STAT4: variants seen among roughly 807,000 people sequenced by gnomAD.
STAT4 encodes the protein signal transducer and activator of transcription 4.
STAT4 carries 42 observed loss-of-function variants against 110.5 expected under a neutral mutation model. The observed-to-expected ratio is 0.38, with a 90% CI of 0.30 to 0.49. The LOEUF (loss-of-function observed/expected upper bound fraction) is 0.49. Ranked by LOEUF, STAT4 falls within the 20% of genes least tolerant of loss-of-function variation. STAT4 has a pLI of 0.95. For synonymous variants in STAT4, 284 were observed against 302.2 expected (o/e 0.94, Z 0.63); for missense variants, 632 against 887.9 (o/e 0.71, Z 3.66).
chr2:191,123,377 G>A (rs923302472), intron 3 of STAT4, among the ~76,000 whole-genome samples: 4 of 152,072 alleles, frequency 2.6e-5, no homozygotes, highest in African/African-American at 7.2e-5. Context: ...TCTCCAGAGT[G>A]GGTACATTTT....
At chr2:191,041,964 G>A (rs1024827310) in intron 14 of STAT4, among the ~76,000 whole-genome samples, 4 of 152,210 alleles carry the variant, frequency 2.6e-5, no homozygotes, top group African/African-American at 9.7e-5. Flanking sequence ...GTGTGCTAAA[G>A]AGTGGAAGGT....
rs1182171456 is a variant in STAT4 at position 191,037,739 on chromosome 2, G to A, written c.1435-1440C>T. On this transcript the variant is annotated intron_variant, in intron 16 of 23. Transcript: ENST00000392320. This position sits in a 1 kb window ranked among gnomAD's most constrained non-coding sequence, Gnocchi z 4.8. Reference sequence around the variant, plus strand: ...GAAAGAGGACACAGCATCCAACAAGGAATGGGCAATAGGAAGAGGAGGAAT... The same window carrying A: ...GAAAGAGGACACAGCATCCAACAAGAAATGGGCAATAGGAAGAGGAGGAAT... Among the ~76,000 whole-genome samples, 1 of 152,168 alleles carries A rather than the reference G, an allele frequency of 6.6e-6. No homozygotes were observed. Among genetic ancestry groups the A allele is most frequent in the Non-Finnish European group, 1.5e-5 (1 of 68,032 alleles).
In STAT4 at chr2:191,063,363, C is replaced by T. The variant is rs940251184; in HGVS notation, c.783-443G>A. On this transcript the variant is annotated intron_variant, in intron 8 of 23. Coordinates refer to ENST00000392320, the MANE Select transcript of STAT4 (RefSeq NM_003151.4). ...ATACTGAAAGAAAAACATATGTAAC[C>T]GATCTTCCCACACAATATATATTTT... Among the ~76,000 whole-genome samples, 7 of 152,092 alleles carry T rather than the reference C, an allele frequency of 4.6e-5. No homozygotes were observed. In the East Asian group the frequency reaches 5.8e-4, roughly 13 times the overall value.
chr2:191,063,007 T>C (rs1696892225), intron 8 of STAT4, 87 bp from the exon 9 acceptor site: 2 of 972,694 alleles, frequency 2.1e-6, no homozygotes, highest in Non-Finnish European at 2.8e-6. Context: ...TTAATAAACA[T>C]TAAATTATTA....
intron 3 of STAT4, among the ~76,000 whole-genome samples, chr2:191,120,081 A>C (rs957011633): frequency 1.3e-5 from 2 of 152,234 alleles, no homozygotes; most frequent in African/African-American, 2.4e-5. Context: ...AAAAGACTAA[A>C]ACACTAAAGG....
chr2:191,130,535 T>A (rs953466503), intron 3 of STAT4, among the ~76,000 whole-genome samples: 2 of 151,736 alleles, frequency 1.3e-5, no homozygotes, highest in East Asian at 1.9e-4. Flanking sequence ...CTCGCTTTTT[T>A]AAATAGATAA....
Position 191,110,452 on chromosome 2 carries a change from A to C in STAT4, c.274-34127T>G, listed in dbSNP as rs1698394187. The stretch of plus-strand genomic sequence containing the variant: ...AGCCTACTGTAGCCCTAAGATAGCT[A>C]TTATTCCTATTTTACGGGCAGGGCA... On this transcript the variant is annotated intron_variant, in intron 3 of 23. Coordinates refer to ENST00000392320, the MANE Select transcript of STAT4 (RefSeq NM_003151.4). The surrounding 1 kb of genome is among the most constrained non-coding windows in gnomAD (Gnocchi z 4.5). Among the ~76,000 whole-genome samples the C allele has an allele frequency of 6.6e-6, 1 of 152,136 alleles. No individual in the cohort carries two copies. The highest frequency in any genetic ancestry group is 1.5e-5 in the Non-Finnish European group (1 of 68,032).
chr2:191,033,678 A>G lies in STAT4; in HGVS notation c.1716-52T>C. ...TCTGATCATTATTGGATTTTCACTT[A>G]TTGCATTTACAAAGACCTACAGTTT... On this transcript the variant is annotated intron_variant, in intron 19 of 23. Coordinates refer to ENST00000392320, the MANE Select transcript of STAT4 (RefSeq NM_003151.4). This position sits in a 1 kb window ranked among gnomAD's most constrained non-coding sequence, Gnocchi z 6.9. 3 of 1,590,352 alleles carry G rather than the reference A, an allele frequency of 1.9e-6. No homozygotes were observed. Among genetic ancestry groups the G allele is most frequent in the Non-Finnish European group, 2.6e-6 (3 of 1,170,212 alleles).
intron 3 of STAT4, among the ~76,000 whole-genome samples, chr2:191,102,356 A>T (rs1160200438): frequency 6.6e-6 from 1 of 151,956 alleles, no homozygotes; most frequent in Non-Finnish European, 1.5e-5. Flanking sequence ...TATATAGTCT[A>T]TTCCTCTTTT....
intron 5 of STAT4, 96 bp from the exon 6 acceptor site, chr2:191,069,867 C>T: frequency 1.2e-6 from 1 of 856,636 alleles, no homozygotes; most frequent in Non-Finnish European, 1.8e-6. Context: ...TTGGTGCTTC[C>T]AATCTCCAAC....
Position 191,146,797 on chromosome 2 carries a change from T to A in STAT4, c.129-40A>T. On this transcript the variant is annotated intron_variant, in intron 2 of 23. Coordinates refer to ENST00000392320, the MANE Select transcript of STAT4 (RefSeq NM_003151.4). This position sits in a 1 kb window ranked among gnomAD's most constrained non-coding sequence, Gnocchi z 4.5. ...GATTATTACACAACAGAAAACAACT[T>A]TGTAAAATGTCTACTTTTTTACCAT... 1.4e-6 allele frequency: 2 copies of A among 1,443,868 alleles called. No homozygotes were observed. The highest frequency in any genetic ancestry group is 1.8e-6 in the Non-Finnish European group (2 of 1,093,070). 89.4% of individuals were successfully genotyped at this position (1,443,868 alleles called of 1,614,324 possible). A position where few individuals can be genotyped will look rare whatever the true frequency, so the allele number is the denominator to read the frequency against.
Position 191,033,202 on chromosome 2 carries a change from G to A in STAT4, c.1853-53C>T. ...ACAGGTTCCTGTACACATTCCTTGTGACCATTTCTTCCCTGCCCACATTAT... is the reference window on the plus strand; with the variant it reads ...ACAGGTTCCTGTACACATTCCTTGTAACCATTTCTTCCCTGCCCACATTAT... On this transcript the variant is annotated intron_variant, in intron 20 of 23. Transcript: ENST00000392320. This position sits in a 1 kb window ranked among gnomAD's most constrained non-coding sequence, Gnocchi z 6.9. 1 of 1,552,748 alleles carries A rather than the reference G, an allele frequency of 6.4e-7. No individual in the cohort carries two copies. The highest frequency in any genetic ancestry group is 1.2e-5 in the South Asian group (1 of 83,098).
chr2:191,081,145 T>C (rs2125281956), intron 3 of STAT4, among the ~76,000 whole-genome samples: 1 of 152,310 alleles, frequency 6.6e-6, no homozygotes, highest in Non-Finnish European at 1.5e-5. Context: ...TCCAGCTTCA[T>C]CCATGTCCCT....
At position 191,144,968 on chromosome 2, in the gene STAT4, G is replaced by A. The variant is rs899637649; in HGVS notation, c.273+1645C>T. ...AGACCTTCTTGGTTCCAAAGACCAT[G>A]CATCATCTATTAATATTTTCCCCAT... On this transcript the variant is annotated intron_variant, in intron 3 of 23. Coordinates refer to ENST00000392320, the MANE Select transcript of STAT4 (RefSeq NM_003151.4). The surrounding 1 kb of genome is among the most constrained non-coding windows in gnomAD (Gnocchi z 4.7). 1.3e-5 allele frequency among the ~76,000 whole-genome samples: 2 copies of A among 152,158 alleles called. No individual in the cohort carries two copies. Among genetic ancestry groups the A allele is most frequent in the African/African-American group, 4.8e-5 (2 of 41,446 alleles).
At chr2:191,069,593 T>A in intron 6 of STAT4, 100 bp downstream of exon 6, 1 of 900,968 alleles carries the variant, frequency 1.1e-6, no homozygotes, top group Non-Finnish European at 1.8e-6. Context: ...TAGGCTCACC[T>A]AAGGAAGTAG....
rs1559049677 is a variant in STAT4 at position 191,062,565 on chromosome 2, T to C, written c.941+197A>G. 6.6e-6 allele frequency among the ~76,000 whole-genome samples: 1 copy of C among 152,192 alleles called. No homozygotes were observed. The highest frequency in any genetic ancestry group is 1.5e-5 in the Non-Finnish European group (1 of 68,036). On this transcript the variant is annotated intron_variant, in intron 9 of 23. Transcript: ENST00000392320. This position sits in a 1 kb window ranked among gnomAD's most constrained non-coding sequence, Gnocchi z 4.9. ...CTTAGCTTGTGGAAAACTGAGCCAG[T>C]TGGTGAGAGAAGTGTTGATGAATAA...
intron 5 of STAT4, among the ~76,000 whole-genome samples, chr2:191,072,545 T>C (rs1697195860): frequency 6.6e-6 from 1 of 152,228 alleles, no homozygotes; most frequent in Non-Finnish European, 1.5e-5. Flanking sequence ...TTGATGGAAT[T>C]ATTATTTTTA....
At position 191,034,583 on chromosome 2, in the gene STAT4, T is replaced by C. The variant is rs1486064143; in HGVS notation, c.1585A>G (p.Ser529Gly). Residue 529 changes from serine to glycine, a missense_variant, in exon 18 of 24, where the codon AGT becomes GGT. Physicochemically the swap from Ser to Gly is moderately conservative, Grantham distance 56. This residue lies in a region of STAT4 where 488 missense variants were observed against 632.8 expected (regional missense o/e 0.77). Transcript: ENST00000392320. ...AEKLTVQSSY[S>G]DGHLTWAKFC... is the part of the protein sequence containing the mutation. Reference sequence around the variant, plus strand: ...TTGGCCCAGGTGAGGTGACCATCACTGTAGCTAGATTGGACTGAAATGAAA... The same window carrying C: ...TTGGCCCAGGTGAGGTGACCATCACCGTAGCTAGATTGGACTGAAATGAAA... 1.9e-6 allele frequency: 3 copies of C among 1,613,388 alleles called. No individual in the cohort carries two copies. The highest frequency in any genetic ancestry group is 2.2e-5 in the East Asian group (1 of 44,868).
At position 191,059,342 on chromosome 2, in the gene STAT4, T is replaced by C. The variant is rs1017303879; in HGVS notation, c.1035-573A>G. Among the ~76,000 whole-genome samples, 1 of 152,242 alleles carries C rather than the reference T, an allele frequency of 6.6e-6. No individual in the cohort carries two copies. Among genetic ancestry groups the C allele is most frequent in the Non-Finnish European group, 1.5e-5 (1 of 68,046 alleles). Reference sequence around the variant, plus strand: ...ATGAACAAGTAATTGAAGTTCAGTATAAAAATTCCTTTAATTCCTTCTGGT... The same window carrying C: ...ATGAACAAGTAATTGAAGTTCAGTACAAAAATTCCTTTAATTCCTTCTGGT... On this transcript the variant is annotated intron_variant, in intron 10 of 23. Coordinates refer to ENST00000392320, the MANE Select transcript of STAT4 (RefSeq NM_003151.4). The surrounding 1 kb of genome is among the most constrained non-coding windows in gnomAD (Gnocchi z 4.7).
Sources: gnomAD v4.1 joint callset for allele counts (sites outside exome capture counted in the v4.1 genomes callset) on GRCh38, gnomAD v4.1.1 for gene constraint, gnomAD v4.1.1 regional missense constraint, Gnocchi (gnomAD v3.1) non-coding constraint, MANE v1.5 for transcripts, NCBI Gene and HGNC (gene_info 2026-07-23, HGNC 2026-07-21) for gene names.